The following SPRN variants were observed in gnomAD, a reference collection of about 807,000 sequenced individuals.
SPRN encodes the protein shadow of prion protein, also known as hypothetical protein BC004409.
For synonymous variants in SPRN, 182 were observed against 123.4 expected, an observed-to-expected ratio of 1.48 and a Z score of -3.15; for missense variants, 312 against 241.4, an observed-to-expected ratio of 1.29 and a Z score of -1.94.
chr10:133,423,631 G>T lies in SPRN; in HGVS notation c.51C>A (p.Phe17Leu). The change falls in exon 2 of 2, where the codon TTC becomes TTA. Residue 17 changes from phenylalanine to leucine, a missense_variant. Coordinates refer to ENST00000685335, the MANE Select transcript of SPRN (RefSeq NM_001391974.1). ...TCWALLLAAA[F>L]LCDSGAAKGG... ...CCTTGGCTGCGCCGCTGTCGCAGAG[G>T]AAGGCGGCCGCCAGTAGCAGAGCCC... 6.4e-7 allele frequency: 1 copy of T among 1,570,960 alleles called. No homozygotes were observed. Among genetic ancestry groups the T allele is most frequent in the African/African-American group, 1.4e-5 (1 of 73,122 alleles).
In SPRN at chr10:133,420,858, ACCCCT is replaced by A. The variant is rs1850220892; in HGVS notation, c.*2363_*2367del. ...AGGCCGCCCGGCATGGGCAGTAGAG[ACCCCT>A]GGCCTCTGAGCACCTTCTAGCTCAC... On this transcript the variant is annotated 3_prime_UTR_variant, in exon 2 of 2. Transcript: ENST00000685335. 1 of 152,260 alleles carries A rather than the reference ACCCCT, an allele frequency of 6.6e-6. No individual in the cohort carries two copies. The highest frequency in any genetic ancestry group is 1.5e-5 in the Non-Finnish European group (1 of 68,118). 9.4% of individuals were successfully genotyped at this position (152,260 alleles called of 1,614,324 possible).
chr10:133,422,185 C>A lies in SPRN; in HGVS notation c.*1041G>T, dbSNP rs10776681. 0.12 allele frequency: 18,350 copies of A among 152,666 alleles called. 1,349 individuals carry two copies. Among genetic ancestry groups the A allele is most frequent in the African/African-American group, 0.2 (8,315 of 41,540 alleles). The allele number at this position is 152,666 out of a possible 1,614,324, so 9.5% of individuals were successfully genotyped here. Reference sequence around the variant, plus strand: ...TGGGCGCTGGGCCCCGCCACTGGCCCCCTGCTTGCTTTGGGGTCTGAGTTA... The same window carrying A: ...TGGGCGCTGGGCCCCGCCACTGGCCACCTGCTTGCTTTGGGGTCTGAGTTA... On this transcript the variant is annotated 3_prime_UTR_variant, in exon 2 of 2. Transcript: ENST00000685335.
chr10:133,423,976 GTTCA>G (rs1564826647), intron 1 of SPRN, among the ~76,000 whole-genome samples: 1 of 44,456 alleles, frequency 2.2e-5, no homozygotes, highest in African/African-American at 4.2e-5. Context: ...GGGCAGGAGC[GTTCA>G]GGCCTCTGGG....
rs748704164 is a variant in SPRN at position 133,423,654 on chromosome 10, C to G, written c.28G>C (p.Ala10Pro). The change falls in exon 2 of 2, where the codon GCT (alanine) becomes CCT (proline). Residue 10 changes from alanine (A) to proline (P), a missense_variant. Coordinates refer to ENST00000685335, the MANE Select transcript of SPRN (RefSeq NM_001391974.1). ...AGGAAGGCGGCCGCCAGTAGCAGAG[C>G]CCAGCACGTTGCGGGTGCCCAGTTC... MNWAPATCW[A>P]LLLAAAFLCD... The G allele has an allele frequency of 1.9e-6, 3 of 1,587,474 alleles. No homozygotes were observed. The highest frequency in any genetic ancestry group is 1.7e-6 in the Non-Finnish European group (2 of 1,168,780).
Position 133,423,101 on chromosome 10 carries a change from A to C in SPRN, c.*125T>G, listed in dbSNP as rs1255614758. On this transcript the variant is annotated 3_prime_UTR_variant, in exon 2 of 2. Coordinates refer to ENST00000685335, the MANE Select transcript of SPRN (RefSeq NM_001391974.1). The stretch of plus-strand genomic sequence containing the variant: ...GGATGGCGGGTCCACAGGGACAGCC[A>C]GCAGCTCCTGCACCCAGTGGGGCTC... 9.7e-7 allele frequency: 1 copy of C among 1,030,824 alleles called. No homozygotes were observed. The highest frequency in any genetic ancestry group is 3.0e-5 in the East Asian group (1 of 33,108). The allele number at this position is 1,030,824 out of a possible 1,614,324, so 63.9% of individuals were successfully genotyped here.
rs1850249991 is a variant in SPRN, at chr10:133,422,014, T to A, written c.*1212A>T. Reference sequence around the variant, plus strand: ...TGAGCCCATGGAGGATGCCCCAGGCTGGCGGGACTGGGAAGCAGAGGGCTG... The same window carrying A: ...TGAGCCCATGGAGGATGCCCCAGGCAGGCGGGACTGGGAAGCAGAGGGCTG... On this transcript the variant is annotated 3_prime_UTR_variant, in exon 2 of 2. Coordinates refer to ENST00000685335, the MANE Select transcript of SPRN (RefSeq NM_001391974.1). The A allele has an allele frequency of 6.5e-6, 1 of 153,290 alleles. No homozygotes were observed. Among genetic ancestry groups the A allele is most frequent in the Admixed American group, 6.6e-5 (1 of 15,250 alleles). The allele number at this position is 153,290 out of a possible 1,614,324, so 9.5% of individuals were successfully genotyped here. A position where few individuals can be genotyped will look rare whatever the true frequency, so the allele number is the denominator to read the frequency against.
Position 133,423,591 on chromosome 10 carries a change from C to T in SPRN, c.91G>A (p.Ala31Thr). Residue 31 changes from alanine to threonine, a missense_variant, in exon 2 of 2, where the codon GCG becomes ACG. Transcript: ENST00000685335. ...SGAAKGGRGG[A>T]RGSARGGVRG... ...ACCCCTCCCCGGGCACTGCCCCGCG[C>T]ACCTCCGCGGCCGCCCTTGGCTGCG... 3 of 1,494,730 alleles carry T rather than the reference C, an allele frequency of 2.0e-6. No individual in the cohort carries two copies. Among genetic ancestry groups the T allele is most frequent in the Non-Finnish European group, 2.7e-6 (3 of 1,124,026 alleles). 92.6% of individuals were successfully genotyped at this position (1,494,730 alleles called of 1,614,324 possible).
intron 1 of SPRN, 50 bp from the exon 2 acceptor site, chr10:133,423,747 C>T: frequency 7.5e-7 from 1 of 1,336,308 alleles, no homozygotes; most frequent in Non-Finnish European, 1.0e-6. Flanking sequence ...GATCGGGTGC[C>T]CAGGGGCGGA....
chr10:133,423,821 T>G lies in SPRN; in HGVS notation c.-16-124A>C, dbSNP rs1850308328. The G allele has an allele frequency of 1.1e-5, 7 of 615,672 alleles. No individual in the cohort carries two copies. In the East Asian group the frequency reaches 2.5e-4, roughly 22 times the overall value. 38.1% of individuals were successfully genotyped at this position (615,672 alleles called of 1,614,324 possible). A position where few individuals can be genotyped will look rare whatever the true frequency, so the allele number is the denominator to read the frequency against. ...GTGGGATCAGGGTGCCCCCAGCATCTTGGAGGCCCACTGAGGCCTGGGGGG... is the reference window on the plus strand; with the variant it reads ...GTGGGATCAGGGTGCCCCCAGCATCGTGGAGGCCCACTGAGGCCTGGGGGG... On this transcript the variant is annotated intron_variant, in intron 1 of 1. Coordinates refer to ENST00000685335, the MANE Select transcript of SPRN (RefSeq NM_001391974.1).
In SPRN at chr10:133,422,580, C is replaced by G. The variant is rs1044014490; in HGVS notation, c.*646G>C. ...GGCCTGAGGGTGTGGGGGAGAAGGCCTGGACAGCCCCTCAGGGCAGGGTGT... is the reference window on the plus strand; with the variant it reads ...GGCCTGAGGGTGTGGGGGAGAAGGCGTGGACAGCCCCTCAGGGCAGGGTGT... On this transcript the variant is annotated 3_prime_UTR_variant, in exon 2 of 2. Transcript: ENST00000685335. The G allele has an allele frequency of 6.6e-6, 1 of 152,264 alleles. No homozygotes were observed. The highest frequency in any genetic ancestry group is 1.5e-5 in the Non-Finnish European group (1 of 68,114). The allele number at this position is 152,264 out of a possible 1,614,324, so 9.4% of individuals were successfully genotyped here. A position where few individuals can be genotyped will look rare whatever the true frequency, so the allele number is the denominator to read the frequency against.
At chr10:133,424,300 C>T (rs1231670040) in intron 1 of SPRN, among the ~76,000 whole-genome samples, 173 bp downstream of exon 1, 23 of 142,648 alleles carry the variant, frequency 1.6e-4, no homozygotes, top group Admixed American at 2.1e-4. Flanking sequence ...CTCCCGCGCG[C>T]GCCCGGCGCT....
At position 133,423,604 on chromosome 10, in the gene SPRN, G is replaced by C; in HGVS notation, c.78C>G (p.Gly26=). The change falls in exon 2 of 2, where the codon GGC becomes GGG. Residue 26 remains glycine (G), a synonymous_variant. Coordinates refer to ENST00000685335, the MANE Select transcript of SPRN (RefSeq NM_001391974.1). ...AFLCDSGAAK[G]GRGGARGSAR... is the part of the protein sequence containing the mutation. ...CACTGCCCCGCGCACCTCCGCGGCC[G>C]CCCTTGGCTGCGCCGCTGTCGCAGA... 6.5e-7 allele frequency: 1 copy of C among 1,526,822 alleles called. No individual in the cohort carries two copies. The highest frequency in any genetic ancestry group is 8.8e-7 in the Non-Finnish European group (1 of 1,141,266). 94.6% of individuals were successfully genotyped at this position (1,526,822 alleles called of 1,614,324 possible).
rs1564826105 is a variant in SPRN, at chr10:133,423,191, C to G, written c.*35G>C. On this transcript the variant is annotated 3_prime_UTR_variant, in exon 2 of 2. Coordinates refer to ENST00000685335, the MANE Select transcript of SPRN (RefSeq NM_001391974.1). ...GAGGATCCTGGGGGATGGCGCGGGC[C>G]GGGGGCCAGATGTGGTCCCCGAGCC... 1.5e-6 allele frequency: 2 copies of G among 1,366,392 alleles called. No individual in the cohort carries two copies. Among genetic ancestry groups the G allele is most frequent in the Admixed American group, 3.1e-5 (1 of 32,532 alleles). The allele number at this position is 1,366,392 out of a possible 1,614,324, so 84.6% of individuals were successfully genotyped here.
rs553140943 is a variant in SPRN at position 133,423,212 on chromosome 10, G to A, written c.*14C>T. On this transcript the variant is annotated 3_prime_UTR_variant, in exon 2 of 2. Transcript: ENST00000685335. ...GGGCCGGGGGCCAGATGTGGTCCCC[G>A]AGCCCAGCCAGGCCTAGGGCCGCAG... 1.1e-5 allele frequency: 15 copies of A among 1,408,878 alleles called. No homozygotes were observed. Among genetic ancestry groups the A allele is most frequent in the African/African-American group, 1.5e-5 (1 of 67,116 alleles). The allele number at this position is 1,408,878 out of a possible 1,614,324, so 87.3% of individuals were successfully genotyped here.
In SPRN at chr10:133,423,607, C is replaced by A; in HGVS notation, c.75G>T (p.Lys25Asn). 6.5e-7 allele frequency: 1 copy of A among 1,538,394 alleles called. No homozygotes were observed. The highest frequency in any genetic ancestry group is 1.4e-5 in the African/African-American group (1 of 71,502). Residue 25 changes from lysine (K) to asparagine (N), a missense_variant, in exon 2 of 2, where the codon AAG (lysine) becomes AAT (asparagine). By Grantham distance (94) the Lys-to-Asn change is moderately conservative. Transcript: ENST00000685335. Reference protein sequence around the residue: ...AAFLCDSGAAKGGRGGARGSA... With the variant: ...AAFLCDSGAANGGRGGARGSA... ...TGCCCCGCGCACCTCCGCGGCCGCC[C>A]TTGGCTGCGCCGCTGTCGCAGAGGA... is the stretch of plus-strand genomic sequence containing the variant.
Position 133,423,139 on chromosome 10 carries a change from C to T in SPRN, c.*87G>A, listed in dbSNP as rs1201186013. On this transcript the variant is annotated 3_prime_UTR_variant, in exon 2 of 2. Coordinates refer to ENST00000685335, the MANE Select transcript of SPRN (RefSeq NM_001391974.1). ...CCCAGTGGGGCTCCAAGACCGTGGGCAAGGGAGGAAGGGGGAGCCCAGGCC... is the reference window on the plus strand; with the variant it reads ...CCCAGTGGGGCTCCAAGACCGTGGGTAAGGGAGGAAGGGGGAGCCCAGGCC... The T allele has an allele frequency of 3.1e-6, 4 of 1,285,496 alleles. No individual in the cohort carries two copies. The highest frequency in any genetic ancestry group is 3.0e-5 in the Admixed American group (1 of 33,110). The allele number at this position is 1,285,496 out of a possible 1,614,324, so 79.6% of individuals were successfully genotyped here.
rs1850262384 is a variant in SPRN, at chr10:133,422,435, A to T, written c.*791T>A. 6.6e-6 allele frequency: 1 copy of T among 152,290 alleles called. No individual in the cohort carries two copies. Among genetic ancestry groups the T allele is most frequent in the African/African-American group, 2.4e-5 (1 of 41,454 alleles). The allele number at this position is 152,290 out of a possible 1,614,324, so 9.4% of individuals were successfully genotyped here. A position where few individuals can be genotyped will look rare whatever the true frequency, so the allele number is the denominator to read the frequency against. On this transcript the variant is annotated 3_prime_UTR_variant, in exon 2 of 2. Transcript: ENST00000685335. ...GTGTGATCCCTGAATGTGAACCTGA[A>T]GTTCAAAGGACTTGGAAAGCTCTGG...
At position 133,423,571 on chromosome 10, in the gene SPRN, T is replaced by C; in HGVS notation, c.111A>G (p.Gly37=). 1.5e-6 allele frequency: 2 copies of C among 1,363,656 alleles called. No homozygotes were observed. Among genetic ancestry groups the C allele is most frequent in the South Asian group, 1.8e-5 (1 of 55,356 alleles). The allele number at this position is 1,363,656 out of a possible 1,614,324, so 84.5% of individuals were successfully genotyped here. A position where few individuals can be genotyped will look rare whatever the true frequency, so the allele number is the denominator to read the frequency against. ...GRGGARGSAR[G]GVRGGARGAS... is the part of the protein sequence containing the mutation. Reference sequence around the variant, plus strand: ...CCCCGCGCGCACCCCCGCGGACCCCTCCCCGGGCACTGCCCCGCGCACCTC... The same window carrying C: ...CCCCGCGCGCACCCCCGCGGACCCCCCCCCGGGCACTGCCCCGCGCACCTC... Residue 37 remains glycine, a synonymous_variant, in exon 2 of 2, where the codon GGA becomes GGG. Transcript: ENST00000685335.
chr10:133,423,049 A>G lies in SPRN; in HGVS notation c.*177T>C. On this transcript the variant is annotated 3_prime_UTR_variant, in exon 2 of 2. Transcript: ENST00000685335. ...TGGTCTCCTCTAGGTGGGAGGTGGCAGGCTGAGGCGGCGTGGGCAGGACGG... is the reference window on the plus strand; with the variant it reads ...TGGTCTCCTCTAGGTGGGAGGTGGCGGGCTGAGGCGGCGTGGGCAGGACGG... The G allele has an allele frequency of 1.6e-6, 1 of 643,384 alleles. No individual in the cohort carries two copies. The highest frequency in any genetic ancestry group is 2.2e-5 in the South Asian group (1 of 46,016). The allele number at this position is 643,384 out of a possible 1,614,324, so 39.9% of individuals were successfully genotyped here.
Sources: allele counts gnomAD v4.1 joint callset (sites outside exome capture counted in the v4.1 genomes callset), GRCh38; gene constraint gnomAD v4.1.1; transcripts MANE v1.5; gene names NCBI Gene and HGNC (gene_info 2026-07-23, HGNC 2026-07-21).